NCKAP5: variants seen among roughly 807,000 people sequenced by gnomAD.
The protein encoded by NCKAP5 is NCK associated protein 5.
A neutral mutation model predicts 167.0 loss-of-function variants in NCKAP5; 92 were observed. The ratio of observed to expected loss-of-function variants is 0.55; its 90% CI spans 0.47 to 0.66. The LOEUF is 0.66. Among genes scored for constraint, NCKAP5 ranks in the 30% least tolerant of loss-of-function variants. The probability of loss-of-function intolerance (pLI) is 0.00; values close to 1 mark genes in which losing one functional copy is unlikely to be tolerated. For synonymous variants in NCKAP5, 891 were observed against 877.4 expected, an observed-to-expected ratio of 1.02 and a Z score of -0.27; for missense variants, 2,378 against 2,315.0, an observed-to-expected ratio of 1.03 and a Z score of -0.56.
intron 3 of NCKAP5, among the ~76,000 whole-genome samples, chr2:133,462,582 A>ATGTTTAGATTTAGAGATTTAGTTC (rs1692270477): frequency 6.6e-6 from 1 of 152,202 alleles, no homozygotes; most frequent in African/African-American, 2.4e-5. Context: ...TAGAGAGATC[A>ATGTTTAGATTTAGAGATTTAGTTC]TCACAAGTAG....
intron 16 of NCKAP5, among the ~76,000 whole-genome samples, chr2:132,743,716 A>G (rs1249117519): frequency 6.6e-6 from 1 of 151,648 alleles, no homozygotes; most frequent in African/African-American, 2.4e-5. Flanking sequence ...TAGTCTAAAC[A>G]CTCCAATGAA....
chr2:132,953,445 T>A (rs918334736), intron 8 of NCKAP5, among the ~76,000 whole-genome samples: 5 of 152,170 alleles, frequency 3.3e-5, no homozygotes, highest in African/African-American at 1.2e-4. Context: ...TTTTCTAAAA[T>A]TTTAATGTGC....
intron 3 of NCKAP5, among the ~76,000 whole-genome samples, chr2:133,457,386 G>A (rs1338377677): frequency 2.0e-5 from 3 of 152,038 alleles, no homozygotes; most frequent in African/African-American, 7.2e-5. Context: ...CTACCACTGA[G>A]AACTCTTTCT....
chr2:133,519,745 T>C (rs970458491), intron 2 of NCKAP5, among the ~76,000 whole-genome samples: 7 of 152,196 alleles, frequency 4.6e-5, no homozygotes, highest in Admixed American at 3.9e-4. Flanking sequence ...AATCCTTACA[T>C]GTTAGTGACA....
intron 7 of NCKAP5, among the ~76,000 whole-genome samples, chr2:132,984,336 C>T (rs1487830893): frequency 6.6e-6 from 1 of 152,154 alleles, no homozygotes; most frequent in Non-Finnish European, 1.5e-5. Context: ...CCTTGTCTTA[C>T]AACCGAAAGC....
At position 133,088,511 on chromosome 2, in the gene NCKAP5, C is replaced by T. The variant is rs185344683; in HGVS notation, c.341+41467G>A. Among the ~76,000 whole-genome samples the T allele has an allele frequency of 8.7e-4, 132 of 152,196 alleles. 1 individual carries two copies. Among genetic ancestry groups the T allele is most frequent in the African/African-American group, 3.0e-3 (125 of 41,520 alleles). On this transcript the variant is annotated intron_variant, in intron 6 of 19. Transcript: ENST00000409261. The stretch of plus-strand genomic sequence containing the variant: ...TTAATTCTCCTTATACCTTCCTTAC[C>T]ATACCTCCTACTCTAACCACCCAGA...
chr2:132,773,987 T>A, intron 15 of NCKAP5, 93 bp from the exon 16 acceptor site: 1 of 1,003,316 alleles, frequency 1.0e-6, no homozygotes, highest in Non-Finnish European at 1.5e-6. Context: ...CTATAACAAA[T>A]ATGTGGGCAT....
chr2:132,776,310 T>C (rs1682539741), intron 15 of NCKAP5, among the ~76,000 whole-genome samples: 2 of 152,210 alleles, frequency 1.3e-5, no homozygotes. Context: ...TTCCCTACTG[T>C]TCCTTACCTG....
intron 3 of NCKAP5, among the ~76,000 whole-genome samples, chr2:133,325,991 G>A (rs1288409198): frequency 6.6e-6 from 1 of 152,160 alleles, no homozygotes; most frequent in African/African-American, 2.4e-5. Flanking sequence ...TACCCAAATG[G>A]CTGTCACTAG....
intron 3 of NCKAP5, among the ~76,000 whole-genome samples, chr2:133,443,083 C>T (rs1177108917): frequency 6.6e-6 from 1 of 152,186 alleles, no homozygotes; most frequent in African/African-American, 2.4e-5. Flanking sequence ...TGGCAAAATA[C>T]AAAAACGAAA....
At chr2:132,809,062 G>A (rs193273419) in intron 11 of NCKAP5, among the ~76,000 whole-genome samples, 10 of 152,108 alleles carry the variant, frequency 6.6e-5, no homozygotes, top group Admixed American at 1.3e-4. Flanking sequence ...TCATTTCCAC[G>A]TATTTGCATG....
intron 16 of NCKAP5, among the ~76,000 whole-genome samples, chr2:132,772,262 C>T (rs1393669771): frequency 6.6e-6 from 1 of 152,152 alleles, no homozygotes; most frequent in African/African-American, 2.4e-5. Flanking sequence ...CACCAAGCAA[C>T]CCATGACTGT....
At chr2:132,816,704 A>G (rs916773699) in intron 11 of NCKAP5, among the ~76,000 whole-genome samples, 16 of 152,152 alleles carry the variant, frequency 1.1e-4, no homozygotes, top group Non-Finnish European at 1.8e-4. Flanking sequence ...AGCTAACTGG[A>G]TGACACTTGT....
intron 19 of NCKAP5, among the ~76,000 whole-genome samples, chr2:132,720,565 A>C (rs1689811393): frequency 6.6e-6 from 1 of 152,294 alleles, no homozygotes; most frequent in Admixed American, 6.5e-5. Flanking sequence ...TCATGCTGTG[A>C]CCAGCAGGGT....
At chr2:133,401,033 C>G (rs938903071) in intron 3 of NCKAP5, among the ~76,000 whole-genome samples, 2 of 152,062 alleles carry the variant, frequency 1.3e-5, no homozygotes, top group Non-Finnish European at 2.9e-5. Context: ...CCGGATGGGA[C>G]CTGGTTGCTA....
chr2:132,712,887 G>A (rs1688999690), intron 19 of NCKAP5, among the ~76,000 whole-genome samples: 2 of 152,132 alleles, frequency 1.3e-5, no homozygotes, highest in Admixed American at 6.5e-5. Context: ...CACACACCCA[G>A]ATCCAGATCA....
At position 133,398,775 on chromosome 2, in the gene NCKAP5, G is replaced by A. The variant is rs754925962; in HGVS notation, c.70-95665C>T. On this transcript the variant is annotated intron_variant, in intron 3 of 19. Transcript: ENST00000409261. ...CCAAGCAGATGGAGACTGTGTGAAA[G>A]CAGAACCAAGTGGGAAGGCAGCTCA... Among the ~76,000 whole-genome samples the A allele has an allele frequency of 3.5e-4, 54 of 152,178 alleles. 3 individuals are homozygous for A. Among genetic ancestry groups the A allele is most frequent in the Non-Finnish European group, 5.9e-5 (4 of 68,026 alleles).
intron 3 of NCKAP5, among the ~76,000 whole-genome samples, chr2:133,328,893 T>C (rs985733542): frequency 1.2e-4 from 19 of 152,288 alleles, no homozygotes; most frequent in Admixed American, 2.6e-4. Flanking sequence ...ATCATAATAT[T>C]AGAATTTGTT....
intron 3 of NCKAP5, among the ~76,000 whole-genome samples, chr2:133,425,002 A>C (rs1291728349): frequency 6.6e-6 from 1 of 152,244 alleles, no homozygotes; most frequent in Non-Finnish European, 1.5e-5. Flanking sequence ...TGAGAAGGCC[A>C]TAAAATATAG....
Sources: gnomAD v4.1 joint callset for allele counts (sites outside exome capture counted in the v4.1 genomes callset) on GRCh38, gnomAD v4.1.1 for gene constraint, MANE v1.5 for transcripts, NCBI Gene and HGNC (gene_info 2026-07-23, HGNC 2026-07-21) for gene names.